Variants in LIMCH1 observed in about 807,000 individuals in gnomAD.
The protein encoded by LIMCH1 is LIM and calponin homology domains-containing protein 1.
In LIMCH1, 113 loss-of-function variants were observed where a neutral mutation model predicts 176.5. The ratio of observed to expected loss-of-function variants is 0.64; its 90% confidence interval spans 0.55 to 0.75. The LOEUF is 0.75. Among genes scored for constraint, LIMCH1 ranks in the 30% least tolerant of loss-of-function variants. The probability of loss-of-function intolerance (pLI) is 0.00; values close to 1 mark genes in which losing one functional copy is unlikely to be tolerated. For synonymous variants in LIMCH1, 619 were observed against 645.9 expected (o/e 0.96, Z 0.63); for missense variants, 1,674 against 1,814.9 (o/e 0.92, Z 1.41).
intron 1 of LIMCH1, among the ~76,000 whole-genome samples, chr4:41,374,534 C>CTG (rs1488459043): frequency 6.6e-6 from 1 of 151,136 alleles, no homozygotes; most frequent in Non-Finnish European, 1.5e-5. Context: ...ATTTTAAACT[C>CTG]TGTGTGTGTG....
intron 1 of LIMCH1, chr4:41,453,592 G>A (rs1422266168): frequency 6.6e-6 from 1 of 152,670 alleles, no homozygotes; most frequent in African/African-American, 2.4e-5. Flanking sequence ...GGAGGAGTTG[G>A]TCTTGTTGTT....
chr4:41,547,558 A>G (rs939596897), intron 1 of LIMCH1, among the ~76,000 whole-genome samples: 1 of 150,154 alleles, frequency 6.7e-6, no homozygotes, highest in Non-Finnish European at 1.5e-5. Context: ...ATGATTAACT[A>G]TAGTATTGAC....
intron 23 of LIMCH1, 92 bp from the exon 24 acceptor site, chr4:41,679,914 G>A (rs1431771671): frequency 1.4e-6 from 1 of 708,058 alleles, no homozygotes; most frequent in African/African-American, 1.8e-5. Context: ...AGATAATCTT[G>A]CAACATATTG....
At chr4:41,502,907 TCA>T (rs71650929) in intron 2 of LIMCH1, among the ~76,000 whole-genome samples, 4,992 of 141,778 alleles carry the variant, frequency 0.035, 222 homozygotes, top group African/African-American at 0.11. Context: ...CGGAGGTAAA[TCA>T]CACACACACA....
At chr4:41,366,510 G>A (rs1036664208) in intron 1 of LIMCH1, among the ~76,000 whole-genome samples, 3 of 152,168 alleles carry the variant, frequency 2.0e-5, no homozygotes, top group Non-Finnish European at 4.4e-5. Flanking sequence ...TATCAGATAT[G>A]ATCTTTTTTG....
intron 22 of LIMCH1, among the ~76,000 whole-genome samples, chr4:41,675,552 C>T (rs929891859): frequency 2.0e-5 from 3 of 152,048 alleles, no homozygotes; most frequent in African/African-American, 7.2e-5. Context: ...GTTATTGTGC[C>T]CTGGTCTGCC....
chr4:41,367,328 CTG>C (rs985961814), intron 1 of LIMCH1, among the ~76,000 whole-genome samples: 30 of 152,230 alleles, frequency 2.0e-4, no homozygotes, highest in African/African-American at 7.2e-4. Context: ...GTCAGCAAAA[CTG>C]TGCTCTATGC....
At chr4:41,661,581 G>C in intron 19 of LIMCH1, 71 bp downstream of exon 19, 1 of 1,147,044 alleles carries the variant, frequency 8.7e-7, no homozygotes, top group Non-Finnish European at 1.3e-6. Context: ...AAATAGTCAA[G>C]AATTTTTCCT....
chr4:41,391,644 A>G (rs752731496), intron 1 of LIMCH1, among the ~76,000 whole-genome samples: 7 of 152,262 alleles, frequency 4.6e-5, no homozygotes, highest in Non-Finnish European at 7.4e-5. Flanking sequence ...TCTATGCCCC[A>G]GATTAATCAT....
At chr4:41,517,943 T>C (rs2075749932) in intron 2 of LIMCH1, among the ~76,000 whole-genome samples, 2 of 152,128 alleles carry the variant, frequency 1.3e-5, no homozygotes, top group South Asian at 4.1e-4. Flanking sequence ...TTTGTGATCA[T>C]AGTTGCCTAT....
chr4:41,424,673 A>T (rs539555441), intron 1 of LIMCH1, among the ~76,000 whole-genome samples: 1 of 152,286 alleles, frequency 6.6e-6, no homozygotes, highest in South Asian at 2.1e-4. Context: ...AGGTTTTGTC[A>T]CTAATTGAGT....
intron 2 of LIMCH1, chr4:41,524,289 A>G: frequency 1.3e-6 from 1 of 779,434 alleles, no homozygotes; most frequent in Non-Finnish European, 2.3e-6. Flanking sequence ...GAGATTTACT[A>G]TATGCTTTAA....
At chr4:41,531,286 A>G (rs1486117525) in intron 3 of LIMCH1, among the ~76,000 whole-genome samples, 1 of 152,086 alleles carries the variant, frequency 6.6e-6, no homozygotes. Flanking sequence ...GCACTGCTAC[A>G]TGTAATGTTT....
At chr4:41,591,450 C>T (rs2087549466) in intron 1 of LIMCH1, among the ~76,000 whole-genome samples, 1 of 152,104 alleles carries the variant, frequency 6.6e-6, no homozygotes. Flanking sequence ...TGCTCTCTTG[C>T]CCAGGCTGGT....
chr4:41,682,060 A>G (rs557331402), intron 25 of LIMCH1, among the ~76,000 whole-genome samples: 5 of 152,298 alleles, frequency 3.3e-5, no homozygotes, highest in East Asian at 1.9e-4. Flanking sequence ...CCAGAAAACC[A>G]TTTGTCCTGA....
intron 8 of LIMCH1, among the ~76,000 whole-genome samples, chr4:41,628,796 A>C (rs1182863995): frequency 6.6e-6 from 1 of 152,200 alleles, no homozygotes; most frequent in East Asian, 1.9e-4. Context: ...TTTTAGCATC[A>C]ATAAAGGTGA....
Position 41,666,613 on chromosome 4 carries a change from T to C in LIMCH1, c.3344T>C (p.Leu1115Pro). 1 of 1,614,080 alleles carries C rather than the reference T, an allele frequency of 6.2e-7. No individual in the cohort carries two copies. The highest frequency in any genetic ancestry group is 8.5e-7 in the Non-Finnish European group (1 of 1,179,930). Residue 1115 changes from leucine (L) to proline (P), a missense_variant, in exon 21 of 32, where the codon CTG becomes CCG. Physicochemically the swap from Leu to Pro is moderately conservative, Grantham distance 98. This residue lies in a region of LIMCH1 where 1,015 missense variants were observed against 1,102.5 expected (regional missense o/e 0.92). Transcript: ENST00000503057. The part of the protein sequence containing the change: ...EPEATLTFPF[L>P]DKMPEANQLH... Reference sequence around the variant, plus strand: ...GAAGCAACGCTGACATTTCCATTTCTGGACAAAATGCCTGAAGCCAACCAA... The same window carrying C: ...GAAGCAACGCTGACATTTCCATTTCCGGACAAAATGCCTGAAGCCAACCAA...
At chr4:41,458,701 G>T (rs1467675520) in intron 1 of LIMCH1, among the ~76,000 whole-genome samples, 2 of 151,390 alleles carry the variant, frequency 1.3e-5, no homozygotes, top group East Asian at 3.9e-4. Flanking sequence ...GTGAACCTGG[G>T]GGGCGGAGGT....
intron 3 of LIMCH1, among the ~76,000 whole-genome samples, chr4:41,532,441 A>C (rs1016104606): frequency 1.3e-5 from 2 of 152,206 alleles, no homozygotes; most frequent in African/African-American, 2.4e-5. Flanking sequence ...CCTGAGTGAA[A>C]GTAACATTCG....
Sources: allele counts gnomAD v4.1 joint callset (sites outside exome capture counted in the v4.1 genomes callset), GRCh38; gene constraint gnomAD v4.1.1; regional missense constraint gnomAD v4.1.1; transcripts MANE v1.5; gene names NCBI Gene and HGNC (gene_info 2026-07-23, HGNC 2026-07-21).